Variants in DCAF8 observed in about 807,000 individuals in gnomAD.
DCAF8 encodes the protein DDB1- and CUL4-associated factor 8.
DCAF8 carries 20 observed loss-of-function variants against 68.0 expected under a neutral mutation model. The observed-to-expected ratio is 0.29, with a 90% CI of 0.21 to 0.43. The LOEUF is 0.43. DCAF8 is among the 20% of genes least tolerant of loss of function. The pLI is 1.00. For synonymous variants in DCAF8, 230 were observed against 276.9 expected (o/e 0.83, Z 1.68); for missense variants, 460 against 771.0 (o/e 0.60, Z 4.78).
intron 1 of DCAF8, 96 bp downstream of exon 1, chr1:160,262,353 T>C (rs1202733234): frequency 2.5e-6 from 1 of 399,528 alleles, no homozygotes; most frequent in Non-Finnish European, 4.4e-6. Flanking sequence ...GCAGCCCGCT[T>C]CCCGTCTTGG....
intron 2 of DCAF8, among the ~76,000 whole-genome samples, chr1:160,254,373 C>T (rs1656736812): frequency 6.6e-6 from 1 of 152,042 alleles, no homozygotes; most frequent in African/African-American, 2.4e-5. Context: ...ACCAATATAG[C>T]ATAACTATGT....
At chr1:160,246,942 G>C (rs1007056047) in intron 2 of DCAF8, among the ~76,000 whole-genome samples, 12 of 152,196 alleles carry the variant, frequency 7.9e-5, no homozygotes, top group African/African-American at 2.2e-4. Context: ...CAGGACGACA[G>C]AGCAAGACAC....
chr1:160,255,783 C>T (rs1656811955), intron 2 of DCAF8, among the ~76,000 whole-genome samples: 1 of 151,762 alleles, frequency 6.6e-6, no homozygotes, highest in African/African-American at 2.4e-5. Context: ...CTGCAGCTGG[C>T]TAATTTTTAT....
chr1:160,256,266 G>C (rs945553200), intron 2 of DCAF8, among the ~76,000 whole-genome samples: 2 of 151,970 alleles, frequency 1.3e-5, no homozygotes, highest in East Asian at 3.9e-4. Context: ...TCAGAAGTCT[G>C]TTGCCATTAA....
chr1:160,227,152 G>A (rs948247237), intron 7 of DCAF8, among the ~76,000 whole-genome samples: 1 of 152,222 alleles, frequency 6.6e-6, no homozygotes, highest in Non-Finnish European at 1.5e-5. Context: ...GATGAGAGCT[G>A]AAGACTGAGC....
chr1:160,256,067 A>G (rs1454737606), intron 2 of DCAF8, among the ~76,000 whole-genome samples: 1 of 124,780 alleles, frequency 8.0e-6, no homozygotes. Context: ...CTATGTTGCC[A>G]GCCTGAAACT....
chr1:160,227,604 G>A (rs1378286723), intron 7 of DCAF8, among the ~76,000 whole-genome samples: 3 of 152,124 alleles, frequency 2.0e-5, no homozygotes, highest in Non-Finnish European at 4.4e-5. Flanking sequence ...ATGCTAGAAC[G>A]GAGTTTGGCA....
At chr1:160,227,827 G>C (rs1434858012) in intron 7 of DCAF8, among the ~76,000 whole-genome samples, 4 of 152,174 alleles carry the variant, frequency 2.6e-5, no homozygotes, top group Non-Finnish European at 5.9e-5. Context: ...AGTAAGCATA[G>C]AAAGATTAAT....
At chr1:160,260,748 T>C (rs956195884) in intron 2 of DCAF8, among the ~76,000 whole-genome samples, 37 of 151,438 alleles carry the variant, frequency 2.4e-4, no homozygotes, top group African/African-American at 9.0e-4. Flanking sequence ...AATTTCCCAC[T>C]ATATCCTAAA....
chr1:160,217,815 T>A, intron 13 of DCAF8, 107 bp from the exon 14 acceptor site: 1 of 809,680 alleles, frequency 1.2e-6, no homozygotes. Flanking sequence ...CAGCAGAATT[T>A]TTCTTAAAGG....
chr1:160,231,867 G>A (rs1285170293), intron 6 of DCAF8, among the ~76,000 whole-genome samples: 5 of 152,158 alleles, frequency 3.3e-5, no homozygotes, highest in Non-Finnish European at 7.4e-5. Context: ...AAGACCTTAA[G>A]GTCAGAGACT....
chr1:160,222,562 G>C, intron 11 of DCAF8, 89 bp downstream of exon 11: 1 of 1,540,284 alleles, frequency 6.5e-7, no homozygotes, highest in Non-Finnish European at 8.9e-7. Flanking sequence ...GTATCATGTA[G>C]TCACAGTGAG....
At chr1:160,239,574 G>C (rs555341784) in intron 4 of DCAF8, 123 bp downstream of exon 4, 2 of 1,596,982 alleles carry the variant, frequency 1.3e-6, no homozygotes, top group African/African-American at 1.3e-5. Context: ...AGCCAAAGTA[G>C]GGCCATGTCC....
chr1:160,262,492 T>A lies in DCAF8; in HGVS notation c.-144A>T, dbSNP rs1459670913. The A allele has an allele frequency of 2.5e-6, 1 of 400,174 alleles. No homozygotes were observed. Among genetic ancestry groups the A allele is most frequent in the African/African-American group, 2.1e-5 (1 of 48,648 alleles). The allele number at this position is 400,174 out of a possible 1,614,324, so 24.8% of individuals were successfully genotyped here. On this transcript the variant is annotated 5_prime_UTR_variant, in exon 1 of 14. In the 5' UTR this introduces an upstream ATG that the reference lacks. Transcript: ENST00000368074. ...CCACCACCGCCTCCGCTCTCTGCGC[T>A]TGCGCCTGCGCTGCCACGCTTTCCG...
chr1:160,221,817 CAAAA>C (rs58539770), intron 11 of DCAF8, among the ~76,000 whole-genome samples: 8 of 62,190 alleles, frequency 1.3e-4, no homozygotes, highest in East Asian at 1.2e-3. Context: ...TTCTAGGTCT[CAAAA>C]AAAAAAAAAA....
In DCAF8 at chr1:160,237,144, C is replaced by A. The variant is rs954409145; in HGVS notation, c.950G>T (p.Arg317Leu). 3 of 1,565,280 alleles carry A rather than the reference C, an allele frequency of 1.9e-6. No homozygotes were observed. The highest frequency in any genetic ancestry group is 1.7e-4 in the Middle Eastern group (1 of 6,000). ...VVFTIDLRQD[R>L]PASKLVVTKE... ...TTACTGCTACACTTACGACGCTGGG[C>A]GGTCTTGTCTCAGGTCAATGGTGAA... The change falls in exon 6 of 14, where the codon CGC becomes CTC. Residue 317 changes from arginine (R) to leucine (L), a missense_variant. By Grantham distance (102) the Arg-to-Leu change is moderately radical (BLOSUM62 -2). Coordinates refer to ENST00000368074, the MANE Select transcript of DCAF8 (RefSeq NM_015726.4).
chr1:160,238,921 G>T, intron 4 of DCAF8, 174 bp from the exon 5 acceptor site: 2 of 807,604 alleles, frequency 2.5e-6, no homozygotes, highest in Non-Finnish European at 3.6e-6. Context: ...AGGAGTTAAA[G>T]GAAAGGGAGA....
Position 160,237,176 on chromosome 1 carries a change from T to C in DCAF8, c.918A>G (p.Ala306=). 1.9e-6 allele frequency: 3 copies of C among 1,578,544 alleles called. No homozygotes were observed. The highest frequency in any genetic ancestry group is 1.7e-6 in the Non-Finnish European group (2 of 1,159,906). Residue 306 remains alanine (A), a synonymous_variant, in exon 6 of 14, where the codon GCA becomes GCG. Transcript: ENST00000368074. ...PCTFLSAGED[A]VVFTIDLRQD... ...GTCTCAGGTCAATGGTGAAAACAAC[T>C]GCATCTTCACCTGCAGATAAGAACG...
chr1:160,229,126 A>G (rs899979548), intron 7 of DCAF8, among the ~76,000 whole-genome samples: 3 of 152,208 alleles, frequency 2.0e-5, no homozygotes, highest in East Asian at 3.9e-4. Flanking sequence ...GCAAAACCGT[A>G]TCTCTACTAA....
Sources: gnomAD v4.1 joint callset for allele counts (sites outside exome capture counted in the v4.1 genomes callset) on GRCh38, gnomAD v4.1.1 for gene constraint, MANE v1.5 for transcripts, NCBI Gene and HGNC (gene_info 2026-07-23, HGNC 2026-07-21) for gene names.